The following KIZ variants were observed in gnomAD, a reference collection of about 807,000 sequenced individuals.
KIZ encodes the protein kizuna centrosomal protein.
KIZ carries 68 observed loss-of-function variants against 79.6 expected under a neutral mutation model. That is an observed-to-expected ratio of 0.85 (90% CI 0.70 to 1.05). KIZ has a LOEUF of 1.05. Ranked by LOEUF, KIZ falls within the 50% of genes least tolerant of loss-of-function variation. The probability of loss-of-function intolerance (pLI) is 0.00; values close to 1 mark genes in which losing one functional copy is unlikely to be tolerated. For missense variants in KIZ, 797 were observed against 800.4 expected, an observed-to-expected ratio of 1.00 and a Z score of 0.05; for synonymous variants, 280 against 281.8, an observed-to-expected ratio of 0.99 and a Z score of 0.06.
intron 6 of KIZ, among the ~76,000 whole-genome samples, chr20:21,172,894 G>A (rs1227146499): frequency 6.6e-6 from 1 of 152,176 alleles, no homozygotes; most frequent in Non-Finnish European, 1.5e-5. Context: ...GATATGTCTT[G>A]AGAAAGAGCA....
At chr20:21,246,401 C>G in intron 12 of KIZ, 78 bp from the exon 13 acceptor site, 1 of 843,026 alleles carries the variant, frequency 1.2e-6, no homozygotes, top group South Asian at 1.5e-5. Context: ...CTTAACCAGT[C>G]CTTCCGTGCT....
chr20:21,126,037 A>G (rs2031425948), upstream of KIZ: 5 of 1,397,196 alleles, frequency 3.6e-6, no homozygotes, highest in East Asian at 9.2e-5. Flanking sequence ...CCCGCGGTGC[A>G]TGGTGGGGCG....
chr20:21,192,593 G>A (rs2035161102), intron 6 of KIZ, among the ~76,000 whole-genome samples: 1 of 152,180 alleles, frequency 6.6e-6, no homozygotes, highest in South Asian at 2.1e-4. Flanking sequence ...AATTATGTAA[G>A]TGTAAGTTTC....
chr20:21,166,648 TGG>T, intron 6 of KIZ: 2 of 795,950 alleles, frequency 2.5e-6, no homozygotes, highest in Non-Finnish European at 4.1e-6. Flanking sequence ...TGGAGAGACT[TGG>T]TTTCTCCATG....
chr20:21,150,605 A>T (rs1216249339), intron 4 of KIZ, among the ~76,000 whole-genome samples: 1 of 152,204 alleles, frequency 6.6e-6, no homozygotes, highest in African/African-American at 2.4e-5. Flanking sequence ...TCTTATTTAT[A>T]TGTGTTTGTA....
chr20:21,145,482 T>C (rs1568917681), intron 3 of KIZ, 83 bp from the exon 4 acceptor site: 1 of 482,504 alleles, frequency 2.1e-6, no homozygotes, highest in Non-Finnish European at 3.6e-6. Context: ...CAATGCTCCC[T>C]GTATGTTGTA....
At chr20:21,232,953 T>C in intron 11 of KIZ, 123 bp downstream of exon 11, 2 of 630,890 alleles carry the variant, frequency 3.2e-6, no homozygotes, top group Non-Finnish European at 5.8e-6. Flanking sequence ...TTTGGGTTTT[T>C]GTTTATCTAA....
chr20:21,162,767 A>T, intron 5 of KIZ, 83 bp from the exon 6 acceptor site: 1 of 1,115,844 alleles, frequency 9.0e-7, no homozygotes, highest in Non-Finnish European at 1.3e-6. Context: ...CCATGTTTTT[A>T]ACTGATGAGT....
At chr20:21,154,877 T>A (rs2033299396) in intron 4 of KIZ, among the ~76,000 whole-genome samples, 1 of 152,216 alleles carries the variant, frequency 6.6e-6, no homozygotes, top group African/African-American at 2.4e-5. Context: ...ACACCTGTCT[T>A]AGAGCCTGAT....
At chr20:21,152,389 G>C (rs958565277) in intron 4 of KIZ, among the ~76,000 whole-genome samples, 1 of 152,190 alleles carries the variant, frequency 6.6e-6, no homozygotes, top group Non-Finnish European at 1.5e-5. Flanking sequence ...TCTTTTAATT[G>C]TGGGGGAGTG....
At chr20:21,236,866 G>A (rs1053236704) in intron 11 of KIZ, among the ~76,000 whole-genome samples, 2 of 151,862 alleles carry the variant, frequency 1.3e-5, no homozygotes, top group Admixed American at 6.6e-5. Flanking sequence ...CAGGTGTGGT[G>A]GTGTGCACCT....
intron 6 of KIZ, among the ~76,000 whole-genome samples, chr20:21,171,615 T>C (rs924982988): frequency 1.3e-5 from 2 of 152,016 alleles, no homozygotes; most frequent in East Asian, 3.9e-4. Context: ...CCAGCTAATT[T>C]TGTATTTTTA....
chr20:21,187,787 C>T (rs2034947902), intron 6 of KIZ, among the ~76,000 whole-genome samples: 1 of 152,266 alleles, frequency 6.6e-6, no homozygotes, highest in Non-Finnish European at 1.5e-5. Flanking sequence ...ATCATTTAAC[C>T]TCTAGAGTTT....
At chr20:21,130,688 A>G (rs762771730) in intron 1 of KIZ, among the ~76,000 whole-genome samples, 6 of 152,048 alleles carry the variant, frequency 3.9e-5, no homozygotes, top group Non-Finnish European at 8.8e-5. Context: ...GTGTTCCCCA[A>G]GTGAAGATTC....
At chr20:21,199,857 C>T (rs989317024) in intron 6 of KIZ, among the ~76,000 whole-genome samples, 3 of 152,174 alleles carry the variant, frequency 2.0e-5, no homozygotes, top group Non-Finnish European at 2.9e-5. Context: ...CTTGCTCTGT[C>T]GCCCAGGCTG....
intron 3 of KIZ, among the ~76,000 whole-genome samples, chr20:21,142,790 CAAATAAAT>C (rs56314647): frequency 2.8e-4 from 41 of 147,954 alleles, no homozygotes; most frequent in African/African-American, 8.6e-4. Context: ...GCCCTTGTCT[CAAATAAAT>C]AAATAAATAA....
intron 9 of KIZ, among the ~76,000 whole-genome samples, chr20:21,226,467 T>C (rs2036657186): frequency 6.6e-6 from 1 of 152,242 alleles, no homozygotes; most frequent in South Asian, 2.1e-4. Context: ...TTGTTTTTCC[T>C]GTGTAGATCA....
At chr20:21,130,217 C>G (rs1372601195) in intron 1 of KIZ, among the ~76,000 whole-genome samples, 1 of 152,202 alleles carries the variant, frequency 6.6e-6, no homozygotes, top group Admixed American at 6.5e-5. Flanking sequence ...CCCTGTCTTT[C>G]ATGTTCCTGA....
intron 2 of KIZ, among the ~76,000 whole-genome samples, chr20:21,136,081 C>G (rs1260892131): frequency 6.6e-6 from 1 of 152,156 alleles, no homozygotes; most frequent in African/African-American, 2.4e-5. Flanking sequence ...AGACACTACT[C>G]TTGAAATCAC....
Sources: allele counts gnomAD v4.1 joint callset (sites outside exome capture counted in the v4.1 genomes callset), GRCh38; gene constraint gnomAD v4.1.1; transcripts MANE v1.5; gene names NCBI Gene and HGNC (gene_info 2026-07-23, HGNC 2026-07-21).